Variants in AGBL1 observed in about 807,000 individuals in gnomAD.
AGBL1 encodes cytosolic carboxypeptidase 4.
Under a neutral mutation model 118.9 loss-of-function variants are expected in AGBL1, and 130 were observed. The ratio of observed to expected loss-of-function variants is 1.09; its 90% CI spans 0.95 to 1.26. The LOEUF (loss-of-function observed/expected upper bound fraction) is 1.26. AGBL1 is among the 50% of genes most tolerant of loss of function. AGBL1 has a pLI of 0.00. For synonymous variants in AGBL1, 555 were observed against 478.9 expected, an observed-to-expected ratio of 1.16 and a Z score of -2.08; for missense variants, 1,584 against 1,298.1, an observed-to-expected ratio of 1.22 and a Z score of -3.38.
intron 1 of AGBL1, among the ~76,000 whole-genome samples, chr15:86,093,780 T>C (rs778329882): frequency 6.6e-6 from 1 of 151,894 alleles, no homozygotes; most frequent in Non-Finnish European, 1.5e-5. Context: ...ATACACAGAG[T>C]GAGAAGGTTG....
chr15:86,398,216 T>C (rs933762475), intron 18 of AGBL1, among the ~76,000 whole-genome samples: 1 of 152,156 alleles, frequency 6.6e-6, no homozygotes, highest in African/African-American at 2.4e-5. Context: ...CTCCTGTGCC[T>C]GGTGAGCTCT....
At chr15:86,828,821 G>C (rs1222453653) in intron 22 of AGBL1, among the ~76,000 whole-genome samples, 1 of 151,492 alleles carries the variant, frequency 6.6e-6, no homozygotes, top group African/African-American at 2.4e-5. Flanking sequence ...GATTAACACA[G>C]TGCAAATTAC....
At chr15:86,961,246 C>CA (rs1305540125) in intron 23 of AGBL1, among the ~76,000 whole-genome samples, 2 of 151,494 alleles carry the variant, frequency 1.3e-5, no homozygotes, top group East Asian at 1.9e-4. Context: ...AAATAAAGCT[C>CA]AAAAAAGGGA....
chr15:86,360,918 A>C (rs546550311), intron 17 of AGBL1, among the ~76,000 whole-genome samples: 137 of 151,954 alleles, frequency 9.0e-4, no homozygotes, highest in Non-Finnish European at 1.7e-3. Context: ...ATATTTTTTC[A>C]AAAAATAAAC....
chr15:86,266,963 G>A (rs1378783834), intron 12 of AGBL1, 27 bp from the exon 13 acceptor site: 5 of 1,489,408 alleles, frequency 3.4e-6, no homozygotes, highest in Non-Finnish European at 4.6e-6. Context: ...TAACACATAT[G>A]TTCACATGTT....
chr15:86,942,680 G>A (rs182548336), intron 23 of AGBL1, among the ~76,000 whole-genome samples: 1 of 152,034 alleles, frequency 6.6e-6, no homozygotes, highest in African/African-American at 2.4e-5. Context: ...CTTACTGAGC[G>A]TTTGTGATTC....
chr15:86,778,477 G>A (rs572912806), intron 22 of AGBL1, among the ~76,000 whole-genome samples: 128 of 152,184 alleles, frequency 8.4e-4, no homozygotes, highest in African/African-American at 2.9e-3. Context: ...GCCACCCCCC[G>A]AAGCGGCCAT....
chr15:86,775,551 T>C (rs1036989825), intron 22 of AGBL1, among the ~76,000 whole-genome samples: 4 of 152,092 alleles, frequency 2.6e-5, no homozygotes, highest in Non-Finnish European at 4.4e-5. Flanking sequence ...CAATATCTCA[T>C]ACTCTCTGAA....
At chr15:86,099,660 A>G (rs1222979615) in intron 1 of AGBL1, among the ~76,000 whole-genome samples, 1 of 151,082 alleles carries the variant, frequency 6.6e-6, no homozygotes, top group Non-Finnish European at 1.5e-5. Context: ...CTGCCTCAGC[A>G]TCCCACATGA....
chr15:86,927,495 G>A (rs976256908), intron 23 of AGBL1, among the ~76,000 whole-genome samples: 1 of 152,066 alleles, frequency 6.6e-6, no homozygotes, highest in Non-Finnish European at 1.5e-5. Flanking sequence ...GCTGAGGCAG[G>A]AGGATCACTG....
At chr15:86,464,305 G>A (rs138335281) in intron 18 of AGBL1, among the ~76,000 whole-genome samples, 1 of 152,092 alleles carries the variant, frequency 6.6e-6, no homozygotes, top group African/African-American at 2.4e-5. Context: ...CTGAGACTTT[G>A]CTGAAGTTGC....
chr15:86,682,764 T>C (rs1386181199), intron 22 of AGBL1, among the ~76,000 whole-genome samples: 2 of 152,116 alleles, frequency 1.3e-5, no homozygotes, highest in South Asian at 4.1e-4. Flanking sequence ...AATAAGTATG[T>C]CAATTTATAT....
rs368470962 is a variant in AGBL1, at chr15:86,574,147, A to G, written c.2994+19610A>G. On this transcript the variant is annotated intron_variant, in intron 21 of 22. Coordinates refer to ENST00000614907, the MANE Select transcript of AGBL1 (RefSeq NM_001386094.1). The stretch of plus-strand genomic sequence containing the variant: ...AGCAGTCAAGGAGGTCCACTCAGCT[A>G]TGTGGGCTATTGCTGGATAGGCTGT... Among the ~76,000 whole-genome samples the G allele has an allele frequency of 5.9e-5, 9 of 152,234 alleles. No individual in the cohort carries two copies. In the East Asian group the frequency reaches 9.6e-4, roughly 16 times the overall value.
At chr15:86,763,767 T>A (rs1306077969) in intron 22 of AGBL1, among the ~76,000 whole-genome samples, 1 of 152,050 alleles carries the variant, frequency 6.6e-6, no homozygotes, top group East Asian at 1.9e-4. Context: ...TCTTTAGCTG[T>A]GAAACCAGAG....
chr15:86,818,574 G>T (rs1162570065), intron 22 of AGBL1, among the ~76,000 whole-genome samples: 4 of 152,174 alleles, frequency 2.6e-5, no homozygotes, highest in East Asian at 1.9e-4. Flanking sequence ...GATGCCAAAA[G>T]GTTGGGGACT....
chr15:86,316,047 T>C (rs2080001949), intron 17 of AGBL1, among the ~76,000 whole-genome samples: 2 of 152,212 alleles, frequency 1.3e-5, no homozygotes, highest in African/African-American at 4.8e-5. Context: ...TTTATTCAAA[T>C]GAATCCAAAT....
At chr15:86,642,923 G>A (rs944232116) in intron 21 of AGBL1, among the ~76,000 whole-genome samples, 7 of 152,166 alleles carry the variant, frequency 4.6e-5, no homozygotes, top group Non-Finnish European at 8.8e-5. Flanking sequence ...ATAAATAAAT[G>A]TGTTTATGCA....
chr15:86,339,282 C>A (rs1317742392), intron 17 of AGBL1, among the ~76,000 whole-genome samples: 1 of 151,242 alleles, frequency 6.6e-6, no homozygotes, highest in Non-Finnish European at 1.5e-5. Context: ...GAACTTTTTT[C>A]TTTATTTTTC....
chr15:86,718,963 G>C (rs973032041), intron 22 of AGBL1, among the ~76,000 whole-genome samples: 6 of 151,914 alleles, frequency 3.9e-5, no homozygotes, highest in African/African-American at 1.5e-4. Context: ...AAAAGTTTTG[G>C]CTTCTGGTCT....
Sources: gnomAD v4.1 joint callset for allele counts (sites outside exome capture counted in the v4.1 genomes callset) on GRCh38, gnomAD v4.1.1 for gene constraint, MANE v1.5 for transcripts, NCBI Gene and HGNC (gene_info 2026-07-23, HGNC 2026-07-21) for gene names.